CDKL2: variants seen among roughly 807,000 people sequenced by gnomAD.
The protein encoded by CDKL2 is cyclin-dependent kinase-like 2.
In CDKL2, 64 loss-of-function variants were observed where a neutral mutation model predicts 63.9. That is an observed-to-expected ratio of 1.00 (90% CI 0.82 to 1.23). The LOEUF is 1.23. Among genes scored for constraint, CDKL2 ranks in the 50% most tolerant of loss-of-function variants. The probability of loss-of-function intolerance (pLI) is 0.00; values close to 1 mark genes in which losing one functional copy is unlikely to be tolerated. For missense variants in CDKL2, 656 were observed against 668.0 expected, an observed-to-expected ratio of 0.98 and a Z score of 0.20; for synonymous variants, 211 against 229.2, an observed-to-expected ratio of 0.92 and a Z score of 0.72.
intron 3 of CDKL2, 117 bp from the exon 4 acceptor site, chr4:75,607,478 G>T (rs564174931): frequency 1.3e-6 from 1 of 743,890 alleles, no homozygotes; most frequent in African/African-American, 1.7e-5. Flanking sequence ...AGCATAGAAA[G>T]TTGCTCCTAG....
chr4:75,608,662 A>C (rs1193922289), intron 3 of CDKL2, among the ~76,000 whole-genome samples: 1 of 152,098 alleles, frequency 6.6e-6, no homozygotes, highest in East Asian at 1.9e-4. Context: ...GCTCAGAGGA[A>C]TGGGAAGGAG....
chr4:75,624,574 G>A (rs187984155), intron 2 of CDKL2, among the ~76,000 whole-genome samples: 81 of 151,908 alleles, frequency 5.3e-4, no homozygotes, highest in African/African-American at 1.8e-3. Context: ...GAAACGACCG[G>A]GTGTGGTGGC....
chr4:75,614,423 A>T lies in CDKL2; in HGVS notation c.195T>A (p.Asn65Lys). ...LKQLRHENLV[N>K]LLEVCKKKKR... ...TTTTTTTCTTACACACTTCCAAGAG[A>T]TTCACCAAGTTTTCATGCCTAAGTT... The change falls in exon 3 of 14, where the codon AAT (asparagine) becomes AAA (lysine). Residue 65 changes from asparagine to lysine, a missense_variant. Coordinates refer to ENST00000307465, the MANE Select transcript of CDKL2 (RefSeq NM_001330724.2). 5 of 1,561,398 alleles carry T rather than the reference A, an allele frequency of 3.2e-6. No individual in the cohort carries two copies. Among genetic ancestry groups the T allele is most frequent in the Non-Finnish European group, 4.3e-6 (5 of 1,149,586 alleles).
At chr4:75,629,174 G>A (rs923591993) in intron 1 of CDKL2, among the ~76,000 whole-genome samples, 1 of 151,802 alleles carries the variant, frequency 6.6e-6, no homozygotes. Context: ...TAGGCTTTAG[G>A]TTTATCATAC....
At position 75,577,197 on chromosome 4, in the gene CDKL2, A is replaced by G. The variant is rs1268429123; in HGVS notation, c.*2005T>C. ...CCACCAGTACATACACATATTCCCT[A>G]TTAGTGTGTGACTAAATCATATCCT... On this transcript the variant is annotated 3_prime_UTR_variant, in exon 14 of 14. Transcript: ENST00000307465. Among the ~76,000 whole-genome samples the G allele has an allele frequency of 3.9e-5, 6 of 152,150 alleles. No individual in the cohort carries two copies. Among genetic ancestry groups the G allele is most frequent in the Non-Finnish European group, 8.8e-5 (6 of 68,006 alleles).
intron 1 of CDKL2, among the ~76,000 whole-genome samples, chr4:75,628,210 G>A (rs1730520566): frequency 6.6e-6 from 1 of 151,366 alleles, no homozygotes; most frequent in Non-Finnish European, 1.5e-5. Flanking sequence ...CCGCCTCCCG[G>A]GTCCACGCCA....
intron 3 of CDKL2, among the ~76,000 whole-genome samples, chr4:75,610,423 T>C (rs1333560411): frequency 1.3e-5 from 2 of 152,086 alleles, no homozygotes; most frequent in Non-Finnish European, 1.5e-5. Flanking sequence ...ATAACCAAGA[T>C]GATATGAGTT....
chr4:75,581,775 G>T (rs1728273865), intron 13 of CDKL2, 35 bp downstream of exon 13: 4 of 1,214,446 alleles, frequency 3.3e-6, no homozygotes, highest in Non-Finnish European at 4.8e-6. Flanking sequence ...CCTGTGAAAG[G>T]CTGCACAGCT....
chr4:75,578,052 G>C lies in CDKL2; in HGVS notation c.*1150C>G, dbSNP rs747948763. On this transcript the variant is annotated 3_prime_UTR_variant, in exon 14 of 14. Coordinates refer to ENST00000307465, the MANE Select transcript of CDKL2 (RefSeq NM_001330724.2). The stretch of plus-strand genomic sequence containing the variant: ...TCCCTAAACAACCATTCTCTAAAAT[G>C]ATAAATGCAGAGCATGTGTAGAAAC... 1.4e-5 allele frequency: 2 copies of C among 146,930 alleles called. No individual in the cohort carries two copies. The highest frequency in any genetic ancestry group is 6.8e-5 in the Admixed American group (1 of 14,662). The allele number at this position is 146,930 out of a possible 1,614,324, so 9.1% of individuals were successfully genotyped here.
intron 12 of CDKL2, among the ~76,000 whole-genome samples, chr4:75,586,015 C>T (rs1055174801): frequency 2.0e-5 from 3 of 151,792 alleles, no homozygotes; most frequent in East Asian, 1.9e-4. Context: ...CAAGATAGAC[C>T]GTAGACCATA....
intron 12 of CDKL2, among the ~76,000 whole-genome samples, chr4:75,584,125 C>A (rs1049720256): frequency 6.6e-6 from 1 of 152,160 alleles, no homozygotes; most frequent in African/African-American, 2.4e-5. Context: ...TACTAATTAG[C>A]TGTTAAATGT....
chr4:75,610,020 G>C (rs1444578615), intron 3 of CDKL2, among the ~76,000 whole-genome samples: 2 of 151,930 alleles, frequency 1.3e-5, no homozygotes, highest in East Asian at 3.9e-4. Context: ...GGCTAATATA[G>C]TGAAACCCCG....
chr4:75,628,354 A>G (rs576914455), intron 1 of CDKL2, among the ~76,000 whole-genome samples: 42 of 152,254 alleles, frequency 2.8e-4, no homozygotes, highest in African/African-American at 8.9e-4. Context: ...TGACCTCGTG[A>G]TCTGCCCGCC....
chr4:75,612,183 G>A (rs1453570413), intron 3 of CDKL2, among the ~76,000 whole-genome samples: 1 of 152,118 alleles, frequency 6.6e-6, no homozygotes, highest in Non-Finnish European at 1.5e-5. Flanking sequence ...ACGTTGGCCA[G>A]GCTGGCTTCG....
At chr4:75,599,548 CAAAAAAAAAAA>C (rs71657365) in intron 7 of CDKL2, among the ~76,000 whole-genome samples, 2 of 69,654 alleles carry the variant, frequency 2.9e-5, no homozygotes, top group Admixed American at 2.1e-4. Flanking sequence ...GCAACAAGAG[CAAAAAAAAAAA>C]AAAAAAAAAA....
chr4:75,622,341 G>A (rs992280934), intron 2 of CDKL2, among the ~76,000 whole-genome samples: 2 of 152,128 alleles, frequency 1.3e-5, no homozygotes, highest in South Asian at 4.1e-4. Context: ...CGACACAGAA[G>A]GTTAATAGGA....
intron 2 of CDKL2, among the ~76,000 whole-genome samples, chr4:75,616,165 A>C (rs1729915900): frequency 1.3e-5 from 2 of 151,988 alleles, no homozygotes; most frequent in African/African-American, 2.4e-5. Context: ...ATGGCTAGGC[A>C]TGGTAGCTTA....
Position 75,607,302 on chromosome 4 carries a change from CT to C in CDKL2, c.422del (p.Lys141SerfsTer52), listed in dbSNP as rs1729462744. 1.9e-6 allele frequency: 3 copies of C among 1,614,102 alleles called. No individual in the cohort carries two copies. In the East Asian group the frequency reaches 6.7e-5, roughly 36 times the overall value. On this transcript the variant is annotated frameshift_variant, in exon 4 of 14. Coordinates refer to ENST00000307465, the MANE Select transcript of CDKL2 (RefSeq NM_001330724.2). LOFTEE classifies it high-confidence loss of function. ...NILVSQSGVVKLCDFGFARTL... is the reference protein window; with the variant it reads ...NILVSQSGVVXLCDFGFARTL... ...TTCGCGCAAATCCAAAATCGCATAG[CT>C]TGACAACGCCAGACTGGGAGACTAA...
chr4:75,585,686 C>T (rs527714181), intron 12 of CDKL2, among the ~76,000 whole-genome samples: 45 of 152,016 alleles, frequency 3.0e-4, no homozygotes, highest in Admixed American at 5.2e-4. Flanking sequence ...TTTGGGAGGC[C>T]GATGTGGGTG....
Sources: gnomAD v4.1 joint callset for allele counts (sites outside exome capture counted in the v4.1 genomes callset) on GRCh38, gnomAD v4.1.1 for gene constraint, MANE v1.5 for transcripts, NCBI Gene and HGNC (gene_info 2026-07-23, HGNC 2026-07-21) for gene names.